Variants in NME8 observed in about 807,000 individuals in gnomAD.
NME8 encodes the protein protein NME8.
Under a neutral mutation model 82.3 loss-of-function variants are expected in NME8, and 72 were observed. That is an observed-to-expected ratio of 0.87 (90% CI 0.72 to 1.06). The LOEUF is 1.06. NME8 is among the 50% of genes least tolerant of loss of function. NME8 has a pLI of 0.00. For synonymous variants in NME8, 267 were observed against 228.5 expected, an observed-to-expected ratio of 1.17 and a Z score of -1.52; for missense variants, 712 against 685.4, an observed-to-expected ratio of 1.04 and a Z score of -0.43.
At position 37,894,863 on chromosome 7, in the gene NME8, T is replaced by TCCTTC. The variant is rs535774186; in HGVS notation, c.1544+268_1544+272dup. On this transcript the variant is annotated intron_variant, in intron 16 of 17. Coordinates refer to ENST00000199447, the MANE Select transcript of NME8 (RefSeq NM_016616.5). ...TCCTTCCTACTTTCCTTTCTCCCTTTCCTTCCCTTCCCTTCCCTTTCCTTT... is the reference window on the plus strand; with the variant it reads ...TCCTTCCTACTTTCCTTTCTCCCTTTCCTTCCCTTCCCTTCCCTTCCCTTTCCTTT... 2.2e-3 allele frequency among the ~76,000 whole-genome samples: 337 copies of TCCTTC among 151,580 alleles called. 1 individual carries two copies. The highest frequency in any genetic ancestry group is 7.2e-3 in the African/African-American group (296 of 41,280).
At chr7:37,884,658 G>T (rs1212551433) in intron 13 of NME8, among the ~76,000 whole-genome samples, 2 of 152,178 alleles carry the variant, frequency 1.3e-5, no homozygotes, top group Admixed American at 6.5e-5. Flanking sequence ...ATAGTAGGAA[G>T]GTCTCAGAGG....
chr7:37,895,681 C>T lies in NME8; in HGVS notation c.1544+1071C>T, dbSNP rs1430159129. 5.9e-5 allele frequency among the ~76,000 whole-genome samples: 9 copies of T among 152,182 alleles called. No individual in the cohort carries two copies. The East Asian group carries it at 1.5e-3, about 26-fold the overall frequency. ...CAATATTTCAGTCAATAATGAATCACATGTACAGCAGTAGTCCCATAAGAT... is the reference window on the plus strand; with the variant it reads ...CAATATTTCAGTCAATAATGAATCATATGTACAGCAGTAGTCCCATAAGAT... On this transcript the variant is annotated intron_variant, in intron 16 of 17. Transcript: ENST00000199447.
chr7:37,871,052 C>T (rs1784759699), intron 11 of NME8, among the ~76,000 whole-genome samples: 1 of 152,178 alleles, frequency 6.6e-6, no homozygotes, highest in Admixed American at 6.5e-5. Context: ...ATCTCCCAGC[C>T]TGCTCACTCT....
At chr7:37,854,285 A>G (rs1443636893) in intron 5 of NME8, among the ~76,000 whole-genome samples, 2 of 152,164 alleles carry the variant, frequency 1.3e-5, no homozygotes, top group Non-Finnish European at 2.9e-5. Context: ...CATTAAGTGG[A>G]AGTGGATTAC....
At chr7:37,879,959 G>A (rs952781483) in intron 12 of NME8, among the ~76,000 whole-genome samples, 2 of 152,114 alleles carry the variant, frequency 1.3e-5, no homozygotes, top group African/African-American at 4.8e-5. Context: ...ATTATGCAGA[G>A]CTTCTTTTCA....
chr7:37,861,016 C>A (rs905658908), intron 6 of NME8, among the ~76,000 whole-genome samples: 5 of 152,176 alleles, frequency 3.3e-5, no homozygotes, highest in African/African-American at 1.2e-4. Context: ...CCATCTCCAC[C>A]ACCGTCATCT....
intron 12 of NME8, among the ~76,000 whole-genome samples, chr7:37,877,623 G>T (rs527948726): frequency 2.6e-5 from 4 of 152,104 alleles, no homozygotes; most frequent in Non-Finnish European, 4.4e-5. Flanking sequence ...GAGCTTTGAC[G>T]TAGTTTCCTT....
At position 37,888,101 on chromosome 7, in the gene NME8, T is replaced by C. The variant is rs183603241; in HGVS notation, c.1248-176T>C. On this transcript the variant is annotated intron_variant, in intron 14 of 17. Transcript: ENST00000199447. ...TCACATCCTTTCTTCCTAATGACCG[T>C]TATCCTTGAAAAGAAGTAGCATGCC... is the stretch of plus-strand genomic sequence containing the variant. Among the ~76,000 whole-genome samples, 8 of 152,284 alleles carry C rather than the reference T, an allele frequency of 5.3e-5. No individual in the cohort carries two copies. The East Asian group carries it at 1.5e-3, about 29-fold the overall frequency.
chr7:37,875,755 G>A (rs1784838047), intron 11 of NME8, among the ~76,000 whole-genome samples: 2 of 151,922 alleles, frequency 1.3e-5, no homozygotes, highest in East Asian at 1.9e-4. Context: ...TGACAATACG[G>A]CACCCAAAAA....
intron 16 of NME8, among the ~76,000 whole-genome samples, chr7:37,896,101 T>C (rs1219400056): frequency 2.6e-5 from 4 of 152,196 alleles, no homozygotes; most frequent in Non-Finnish European, 5.9e-5. Context: ...ATGTCTTCTC[T>C]TTTTTCAGTT....
At chr7:37,856,550 G>C (rs143852638) in intron 5 of NME8, among the ~76,000 whole-genome samples, 1 of 152,104 alleles carries the variant, frequency 6.6e-6, no homozygotes, top group East Asian at 1.9e-4. Flanking sequence ...CCTACCAAAC[G>C]ATCTCATTCT....
Position 37,876,885 on chromosome 7 carries a change from A to G in NME8, c.872A>G (p.Glu291Gly), listed in dbSNP as rs1421967709. 1 of 1,613,128 alleles carries G rather than the reference A, an allele frequency of 6.2e-7. No homozygotes were observed. Among genetic ancestry groups the G allele is most frequent in the Non-Finnish European group, 8.5e-7 (1 of 1,179,344 alleles). Reference protein sequence around the residue: ...QHLAQLCDIEEDAANVAKFMD... With the variant: ...QHLAQLCDIEGDAANVAKFMD... ...TTAGCTCAGCTCTGTGACATTGAAG[A>G]GGATGCAGCTAATGTTGCTAAGTTC... Residue 291 changes from glutamate to glycine, a missense_variant, in exon 12 of 18, where the codon GAG becomes GGG. Glu to Gly is a moderately conservative substitution (Grantham distance 98, BLOSUM62 -2). Transcript: ENST00000199447.
At chr7:37,861,991 A>C in intron 6 of NME8, 37 bp from the exon 7 acceptor site, 1 of 1,344,242 alleles carries the variant, frequency 7.4e-7, no homozygotes, top group Non-Finnish European at 1.1e-6. Context: ...GTGTTCTCCA[A>C]ATGAAAGTTC....
chr7:37,851,948 C>T (rs1784443768), intron 5 of NME8, among the ~76,000 whole-genome samples: 1 of 152,102 alleles, frequency 6.6e-6, no homozygotes, highest in African/African-American at 2.4e-5. Context: ...ACTATCCATC[C>T]CCTTCTTTAA....
At chr7:37,891,491 A>T (rs746644851) in intron 15 of NME8, among the ~76,000 whole-genome samples, 2 of 151,982 alleles carry the variant, frequency 1.3e-5, no homozygotes, top group Non-Finnish European at 2.9e-5. Context: ...AGTTTAAAAC[A>T]TCTTATTATT....
intron 9 of NME8, among the ~76,000 whole-genome samples, chr7:37,864,866 A>G (rs1784653618): frequency 6.6e-6 from 1 of 152,148 alleles, no homozygotes; most frequent in African/African-American, 2.4e-5. Flanking sequence ...GAAATCTTCC[A>G]TTTTTAAAGC....
chr7:37,862,669 T>C (rs1403987323), intron 7 of NME8, among the ~76,000 whole-genome samples: 2 of 151,922 alleles, frequency 1.3e-5, no homozygotes, highest in Non-Finnish European at 1.5e-5. Flanking sequence ...TAAGGAAATA[T>C]CGTTTTGTTC....
chr7:37,857,903 T>G (rs1351786043), intron 6 of NME8, among the ~76,000 whole-genome samples: 2 of 152,234 alleles, frequency 1.3e-5, no homozygotes, highest in East Asian at 3.9e-4. Context: ...ACAACTTTAA[T>G]AATCAGACAG....
Position 37,888,649 on chromosome 7 carries a change from C to G in NME8, c.1399+221C>G, listed in dbSNP as rs534011010. On this transcript the variant is annotated intron_variant, in intron 15 of 17. Transcript: ENST00000199447. Reference sequence around the variant, plus strand: ...CCCTCCCTCATCCTTCTCTGTCTTTCTCTTAATCAGAAATGATATTGAATT... The same window carrying G: ...CCCTCCCTCATCCTTCTCTGTCTTTGTCTTAATCAGAAATGATATTGAATT... 4.6e-5 allele frequency among the ~76,000 whole-genome samples: 7 copies of G among 152,204 alleles called. No individual in the cohort carries two copies. In the South Asian group the frequency reaches 1.2e-3, roughly 27 times the overall value.
Sources: gnomAD v4.1 joint callset for allele counts (sites outside exome capture counted in the v4.1 genomes callset) on GRCh38, gnomAD v4.1.1 for gene constraint, MANE v1.5 for transcripts, NCBI Gene and HGNC (gene_info 2026-07-23, HGNC 2026-07-21) for gene names.